Variants in PRKG1 observed in about 807,000 individuals in gnomAD.
PRKG1 encodes the protein protein kinase cGMP-dependent 1.
PRKG1 carries 35 observed loss-of-function variants against 88.1 expected under a neutral mutation model. The observed-to-expected ratio is 0.40, with a 90% CI of 0.30 to 0.53. PRKG1 has a LOEUF of 0.53. PRKG1 is among the 20% of genes least tolerant of loss of function. The probability of loss-of-function intolerance (pLI) is 0.59; values close to 1 mark genes in which losing one functional copy is unlikely to be tolerated. For missense variants in PRKG1, 540 were observed against 839.8 expected (o/e 0.64, Z 4.41); for synonymous variants, 303 against 292.5 (o/e 1.04, Z -0.37).
chr10:52,103,759 A>C (rs1589608670), intron 7 of PRKG1, among the ~76,000 whole-genome samples: 1 of 151,976 alleles, frequency 6.6e-6, no homozygotes, highest in East Asian at 1.9e-4. Flanking sequence ...GAGAAATAAT[A>C]ATAATTTTAA....
At chr10:52,258,314 G>A (rs1185105895) in intron 10 of PRKG1, among the ~76,000 whole-genome samples, 1 of 138,370 alleles carries the variant, frequency 7.2e-6, no homozygotes, top group Non-Finnish European at 1.6e-5. Flanking sequence ...TTGACATTTA[G>A]GTCATACTTG....
chr10:52,049,341 G>A (rs1845934603), intron 5 of PRKG1, among the ~76,000 whole-genome samples: 1 of 152,222 alleles, frequency 6.6e-6, no homozygotes, highest in Middle Eastern at 3.4e-3. Context: ...ATCCAGCATG[G>A]CACATGCAAG....
chr10:51,630,769 TG>T (rs1839506229), intron 3 of PRKG1, among the ~76,000 whole-genome samples: 3 of 152,226 alleles, frequency 2.0e-5, no homozygotes, highest in Non-Finnish European at 4.4e-5. Context: ...TCTTTCGAAC[TG>T]CAGCCTCTCC....
chr10:51,279,131 C>G (rs531754206), intron 2 of PRKG1, among the ~76,000 whole-genome samples: 1 of 152,044 alleles, frequency 6.6e-6, no homozygotes, highest in Non-Finnish European at 1.5e-5. Context: ...TTTAAATGTG[C>G]CCCAGAGATT....
intron 3 of PRKG1, among the ~76,000 whole-genome samples, chr10:51,531,811 A>T (rs1206984798): frequency 6.6e-6 from 1 of 151,476 alleles, no homozygotes; most frequent in Non-Finnish European, 1.5e-5. Flanking sequence ...TGCCCGGCTA[A>T]TTTTTGTATT....
intron 3 of PRKG1, among the ~76,000 whole-genome samples, chr10:51,543,745 A>G (rs1842372836): frequency 6.6e-6 from 1 of 152,200 alleles, no homozygotes; most frequent in African/African-American, 2.4e-5. Context: ...TCTTACTGCC[A>G]TGGGTGAACA....
intron 9 of PRKG1, among the ~76,000 whole-genome samples, chr10:52,234,224 A>G (rs1165530517): frequency 1.7e-4 from 26 of 152,222 alleles, no homozygotes; most frequent in Non-Finnish European, 3.5e-4. Context: ...AAAAAACAGA[A>G]CAGAAAAACT....
intron 3 of PRKG1, among the ~76,000 whole-genome samples, chr10:51,476,689 T>C (rs1840205552): frequency 6.6e-6 from 1 of 152,064 alleles, no homozygotes; most frequent in Non-Finnish European, 1.5e-5. Context: ...CAGACTTTTC[T>C]GGTTACAGAA....
intron 2 of PRKG1, among the ~76,000 whole-genome samples, chr10:51,275,170 C>A (rs1222561618): frequency 6.6e-6 from 1 of 152,180 alleles, no homozygotes; most frequent in African/African-American, 2.4e-5. Flanking sequence ...CTGAGGACCA[C>A]ACTTGTCAAA....
intron 9 of PRKG1, among the ~76,000 whole-genome samples, chr10:52,245,095 A>G (rs1840990439): frequency 6.6e-6 from 1 of 151,674 alleles, no homozygotes; most frequent in Non-Finnish European, 1.5e-5. Flanking sequence ...CAATTATCAC[A>G]TAAAATCCTG....
chr10:51,443,227 G>T (rs975299251), intron 2 of PRKG1, among the ~76,000 whole-genome samples: 2 of 151,984 alleles, frequency 1.3e-5, no homozygotes, highest in Non-Finnish European at 2.9e-5. Flanking sequence ...GCCTATTTTT[G>T]TAAATAAAAT....
At chr10:51,009,042 T>A (rs372070710) in intron 1 of PRKG1, among the ~76,000 whole-genome samples, 61 of 152,308 alleles carry the variant, frequency 4.0e-4, no homozygotes, top group African/African-American at 1.4e-3. Flanking sequence ...TGGTATGAGT[T>A]TTATAAGGAT....
At chr10:51,651,686 C>CGA (rs1840043230) in intron 3 of PRKG1, among the ~76,000 whole-genome samples, 1 of 151,620 alleles carries the variant, frequency 6.6e-6, no homozygotes, top group African/African-American at 2.4e-5. Flanking sequence ...CAGGTTCAAG[C>CGA]GATTCTCCTG....
intron 5 of PRKG1, among the ~76,000 whole-genome samples, chr10:51,930,237 G>A (rs779885809): frequency 5.9e-5 from 9 of 152,108 alleles, no homozygotes; most frequent in South Asian, 2.1e-4. Context: ...AGTGGGGGGA[G>A]GAAAATGAGG....
chr10:51,378,381 G>A (rs773382965), intron 2 of PRKG1, among the ~76,000 whole-genome samples: 1 of 152,126 alleles, frequency 6.6e-6, no homozygotes, highest in South Asian at 2.1e-4. Context: ...TGATCTTATG[G>A]TAGAAGTGTG....
chr10:51,181,316 A>G (rs1454425507), intron 2 of PRKG1, among the ~76,000 whole-genome samples: 1 of 131,204 alleles, frequency 7.6e-6, no homozygotes, highest in African/African-American at 2.9e-5. Context: ...ATCTCGGCTC[A>G]CTGCAAGCTC....
chr10:51,306,377 T>G (rs1841038035), intron 2 of PRKG1, among the ~76,000 whole-genome samples: 1 of 152,192 alleles, frequency 6.6e-6, no homozygotes, highest in African/African-American at 2.4e-5. Flanking sequence ...GAGATTGATA[T>G]GCATATTTCC....
rs1338139296 is a variant in PRKG1 at position 51,970,678 on chromosome 10, AATCATCTGATATATATATCAGATAT to A, written c.762+63127_762+63151del. Among the ~76,000 whole-genome samples, 63 of 143,242 alleles carry A rather than the reference AATCATCTGATATATATATCAGATAT, an allele frequency of 4.4e-4. 1 individual carries two copies. The South Asian group carries it at 4.6e-3, about 10-fold the overall frequency. The allele number at this position is 143,242 out of a possible 152,430, so 94.0% of individuals were successfully genotyped here. A position where few individuals can be genotyped will look rare whatever the true frequency, so the allele number is the denominator to read the frequency against. ...AGCTGACCATATTGTATACATGATT[AATCATCTGATATATATATCAGATAT>A]ATCATCTGATATATATATATCAGAT... On this transcript the variant is annotated intron_variant, in intron 5 of 17. Coordinates refer to ENST00000373980, the MANE Select transcript of PRKG1 (RefSeq NM_006258.4).
At chr10:51,698,243 C>T (rs1488471782) in intron 3 of PRKG1, 1 of 1,614,194 alleles carries the variant, frequency 6.2e-7, no homozygotes, top group Admixed American at 1.7e-5. Flanking sequence ...CTCCATTCCT[C>T]TCCTCTCCAT....
Sources: gnomAD v4.1 joint callset for allele counts (sites outside exome capture counted in the v4.1 genomes callset) on GRCh38, gnomAD v4.1.1 for gene constraint, MANE v1.5 for transcripts, NCBI Gene and HGNC (gene_info 2026-07-23, HGNC 2026-07-21) for gene names.